OPCML: variants seen among roughly 807,000 people sequenced by gnomAD.
The protein encoded by OPCML is opioid-binding protein/cell adhesion molecule.
In OPCML, 13 loss-of-function variants were observed where a neutral mutation model predicts 37.8. That is an observed-to-expected ratio of 0.34 (90% CI 0.22 to 0.55). The LOEUF is 0.55. Among genes scored for constraint, OPCML ranks in the 20% least tolerant of loss-of-function variants. The pLI is 0.91. For synonymous variants in OPCML, 176 were observed against 168.8 expected, an observed-to-expected ratio of 1.04 and a Z score of -0.33; for missense variants, 341 against 435.6, an observed-to-expected ratio of 0.78 and a Z score of 1.93.
chr11:132,604,064 T>G (rs1938109271), intron 3 of OPCML, among the ~76,000 whole-genome samples: 1 of 152,174 alleles, frequency 6.6e-6, no homozygotes, highest in Non-Finnish European at 1.5e-5. Context: ...CCTGGAATAC[T>G]TGTTGGTGCT....
chr11:132,627,902 G>C (rs1164173011), intron 3 of OPCML, among the ~76,000 whole-genome samples: 1 of 152,172 alleles, frequency 6.6e-6, no homozygotes, highest in African/African-American at 2.4e-5. Context: ...TTTTGAAGTG[G>C]AGGTGGAGCT....
intron 1 of OPCML, among the ~76,000 whole-genome samples, chr11:133,399,863 T>A (rs887888083): frequency 6.7e-6 from 1 of 148,706 alleles, no homozygotes; most frequent in African/African-American, 2.4e-5. Flanking sequence ...TATATATATA[T>A]ATTATATATA....
intron 2 of OPCML, among the ~76,000 whole-genome samples, chr11:132,659,649 T>A (rs890953124): frequency 1.2e-4 from 18 of 152,330 alleles, no homozygotes; most frequent in African/African-American, 4.1e-4. Context: ...AAGGATGATT[T>A]TTTTGGCCTT....
chr11:132,649,926 G>T (rs59051808), intron 3 of OPCML, among the ~76,000 whole-genome samples: 1 of 147,466 alleles, frequency 6.8e-6, no homozygotes, highest in Non-Finnish European at 1.5e-5. Flanking sequence ...TACACGCACT[G>T]TTACACACAC....
At chr11:133,169,147 T>C (rs1269437953) in intron 1 of OPCML, among the ~76,000 whole-genome samples, 3 of 152,022 alleles carry the variant, frequency 2.0e-5, no homozygotes, top group Non-Finnish European at 4.4e-5. Flanking sequence ...AATACATAAA[T>C]AAAAATTTAA....
At chr11:132,535,949 T>A (rs1047734330) in intron 3 of OPCML, among the ~76,000 whole-genome samples, 1 of 152,048 alleles carries the variant, frequency 6.6e-6, no homozygotes, top group African/African-American at 2.4e-5. Context: ...TGTCAAGAAC[T>A]CTCTGGGAAT....
chr11:133,154,639 T>C (rs1171884613), intron 1 of OPCML, among the ~76,000 whole-genome samples: 5 of 151,968 alleles, frequency 3.3e-5, no homozygotes, highest in African/African-American at 7.3e-5. Flanking sequence ...ACACCACTTA[T>C]TAGGAAAACA....
At chr11:132,738,116 C>T (rs150202035) in intron 2 of OPCML, among the ~76,000 whole-genome samples, 5 of 152,118 alleles carry the variant, frequency 3.3e-5, no homozygotes, top group African/African-American at 1.2e-4. Flanking sequence ...GCAGGAATTG[C>T]GCTAGAGTGG....
chr11:133,263,487 A>G (rs376526022), intron 1 of OPCML, among the ~76,000 whole-genome samples: 7 of 152,314 alleles, frequency 4.6e-5, no homozygotes, highest in Admixed American at 1.3e-4. Context: ...TCTGCCCTAC[A>G]GCCTAGGTGT....
chr11:132,483,912 C>T (rs1173125988), intron 4 of OPCML, among the ~76,000 whole-genome samples: 1 of 151,474 alleles, frequency 6.6e-6, no homozygotes, highest in African/African-American at 2.4e-5. Flanking sequence ...ATACAAAAAT[C>T]AATTCAAGAT....
intron 1 of OPCML, among the ~76,000 whole-genome samples, chr11:133,060,129 A>AT (rs932482934): frequency 1.5e-4 from 23 of 151,880 alleles, no homozygotes; most frequent in Admixed American, 1.3e-3. Flanking sequence ...AGAATAAAGG[A>AT]TTTTTTAGGT....
At chr11:132,891,099 T>G (rs1943629276) in intron 2 of OPCML, among the ~76,000 whole-genome samples, 1 of 152,162 alleles carries the variant, frequency 6.6e-6, no homozygotes, top group Admixed American at 6.5e-5. Flanking sequence ...CATATGTAAT[T>G]TAGAACTTTT....
At chr11:133,118,158 T>C (rs1459575101) in intron 1 of OPCML, 1 of 876,626 alleles carries the variant, frequency 1.1e-6, no homozygotes. Context: ...CTTTTGAATA[T>C]GTCTCTAAAA....
intron 4 of OPCML, among the ~76,000 whole-genome samples, chr11:132,489,707 T>C (rs1490144074): frequency 6.6e-6 from 1 of 152,076 alleles, no homozygotes; most frequent in Non-Finnish European, 1.5e-5. Context: ...AGTTCTGGGG[T>C]ACATGTGCAG....
chr11:132,651,719 A>G (rs540049389), intron 3 of OPCML, among the ~76,000 whole-genome samples: 9 of 152,318 alleles, frequency 5.9e-5, no homozygotes, highest in South Asian at 2.1e-4. Flanking sequence ...GCAAAACTCA[A>G]CTTCAGATAC....
chr11:133,515,175 A>G (rs1232636082), intron 1 of OPCML, among the ~76,000 whole-genome samples: 1 of 152,244 alleles, frequency 6.6e-6, no homozygotes, highest in African/African-American at 2.4e-5. Flanking sequence ...GAACCAGAGC[A>G]GGTCAGAGGT....
chr11:132,643,499 C>T (rs951799328), intron 3 of OPCML, among the ~76,000 whole-genome samples: 1 of 152,178 alleles, frequency 6.6e-6, no homozygotes, highest in Non-Finnish European at 1.5e-5. Context: ...CAGGGAGGCG[C>T]CCTCAGAACA....
intron 1 of OPCML, among the ~76,000 whole-genome samples, chr11:133,293,376 C>T (rs1942535683): frequency 1.3e-5 from 2 of 152,092 alleles, no homozygotes; most frequent in Admixed American, 6.6e-5. Flanking sequence ...CAAGAAAGTA[C>T]ATTGACGGCG....
At chr11:132,561,938 C>T (rs951256332) in intron 3 of OPCML, among the ~76,000 whole-genome samples, 1 of 152,150 alleles carries the variant, frequency 6.6e-6, no homozygotes, top group African/African-American at 2.4e-5. Flanking sequence ...ACATTCTCAG[C>T]AATTCTTTGA....
Sources: gnomAD v4.1 joint callset for allele counts (sites outside exome capture counted in the v4.1 genomes callset) on GRCh38, gnomAD v4.1.1 for gene constraint, MANE v1.5 for transcripts, NCBI Gene and HGNC (gene_info 2026-07-23, HGNC 2026-07-21) for gene names.